KHDRBS2: variants seen among roughly 807,000 people sequenced by gnomAD.
KHDRBS2 encodes the protein KH domain-containing, RNA-binding, signal transduction-associated protein 2.
In KHDRBS2, 26 loss-of-function variants were observed where a neutral mutation model predicts 44.3. The observed-to-expected ratio is 0.59, with a 90% CI of 0.43 to 0.81. The LOEUF (loss-of-function observed/expected upper bound fraction) is 0.81. KHDRBS2 is among the 40% of genes least tolerant of loss of function. The pLI is 0.00. For synonymous variants in KHDRBS2, 194 were observed against 151.1 expected, an observed-to-expected ratio of 1.28 and a Z score of -2.08; for missense variants, 476 against 433.1, an observed-to-expected ratio of 1.10 and a Z score of -0.88.
At chr6:61,694,989 C>G (rs1291820506) in intron 8 of KHDRBS2, among the ~76,000 whole-genome samples, 1 of 151,938 alleles carries the variant, frequency 6.6e-6, no homozygotes, top group African/African-American at 2.4e-5. Flanking sequence ...AAGCCTGGTG[C>G]TCATTTTGGA....
chr6:61,709,141 C>A (rs1770072142), intron 7 of KHDRBS2, among the ~76,000 whole-genome samples: 1 of 151,614 alleles, frequency 6.6e-6, no homozygotes, highest in Non-Finnish European at 1.5e-5. Context: ...TTTGTCAACT[C>A]AGTAAACATA....
intron 6 of KHDRBS2, among the ~76,000 whole-genome samples, chr6:61,765,208 T>C (rs558324330): frequency 2.3e-4 from 35 of 152,174 alleles, no homozygotes; most frequent in African/African-American, 7.9e-4. Flanking sequence ...ATCCCAGCAT[T>C]TTGGAAGGCT....
chr6:62,171,112 T>C (rs752403779), intron 2 of KHDRBS2, among the ~76,000 whole-genome samples: 8 of 152,108 alleles, frequency 5.3e-5, no homozygotes, highest in Non-Finnish European at 1.0e-4. Context: ...ACAATGGTTC[T>C]TAACCAGGCT....
intron 1 of KHDRBS2, among the ~76,000 whole-genome samples, chr6:62,267,742 C>A (rs748202352): frequency 1.3e-5 from 2 of 151,966 alleles, no homozygotes; most frequent in Non-Finnish European, 2.9e-5. Flanking sequence ...GGATCTTAAA[C>A]TGACTAGTAC....
At chr6:61,597,759 CATATATATAT>C in the KHDRBS2 span, among the ~76,000 whole-genome samples, 11 of 50,106 alleles carry the variant, frequency 2.2e-4, no homozygotes, top group South Asian at 1.2e-3. Context: ...TATATATATA[CATATATATAT>C]ATATACACCA....
intron 6 of KHDRBS2, among the ~76,000 whole-genome samples, chr6:61,824,114 A>G (rs1363694942): frequency 6.6e-6 from 1 of 152,162 alleles, no homozygotes; most frequent in Non-Finnish European, 1.5e-5. Context: ...TGTGTTTACA[A>G]TAAACAAAGC....
the KHDRBS2 span, among the ~76,000 whole-genome samples, chr6:61,584,756 C>T: frequency 6.6e-6 from 1 of 151,618 alleles, no homozygotes; most frequent in Non-Finnish European, 1.5e-5. Context: ...ATTTATTGAC[C>T]CTTAGTGAAC....
chr6:62,118,515 A>T (rs1806830515), intron 2 of KHDRBS2, among the ~76,000 whole-genome samples: 1 of 151,982 alleles, frequency 6.6e-6, no homozygotes, highest in Admixed American at 6.6e-5. Flanking sequence ...TTTATTTTCA[A>T]TGTTTCTTAA....
intron 3 of KHDRBS2, among the ~76,000 whole-genome samples, chr6:62,035,279 T>A (rs1785072787): frequency 6.6e-6 from 1 of 151,986 alleles, no homozygotes; most frequent in African/African-American, 2.4e-5. Flanking sequence ...GAAAATGTGG[T>A]ACTTATACAC....
chr6:62,176,326 T>G (rs1385212862), intron 2 of KHDRBS2, among the ~76,000 whole-genome samples: 4 of 151,394 alleles, frequency 2.6e-5, no homozygotes, highest in Non-Finnish European at 4.4e-5. Flanking sequence ...TGCTGGGCTT[T>G]AACAATTTTA....
intron 2 of KHDRBS2, among the ~76,000 whole-genome samples, chr6:62,158,823 CTT>C (rs939296983): frequency 6.6e-6 from 1 of 150,718 alleles, no homozygotes; most frequent in South Asian, 2.1e-4. Flanking sequence ...CATATTCTTG[CTT>C]TTTTTTTAAA....
chr6:61,632,939 A>G, the KHDRBS2 span, among the ~76,000 whole-genome samples: 1 of 152,146 alleles, frequency 6.6e-6, no homozygotes, highest in Non-Finnish European at 1.5e-5. Context: ...TGAAGTATTC[A>G]TGTTTTGAGG....
chr6:61,852,243 T>G lies in KHDRBS2; in HGVS notation c.810+42392A>C, dbSNP rs576370837. Among the ~76,000 whole-genome samples, 236 of 151,474 alleles carry G rather than the reference T, an allele frequency of 1.6e-3. 8 individuals are homozygous for G. In the South Asian group the frequency reaches 0.046, roughly 29 times the overall value. On this transcript the variant is annotated intron_variant, in intron 6 of 8. Transcript: ENST00000281156. Reference sequence around the variant, plus strand: ...TCCAAAAATAAATAAATAAATAAAATAAAATGAAGTAAACCAGAAAAACAT... The same window carrying G: ...TCCAAAAATAAATAAATAAATAAAAGAAAATGAAGTAAACCAGAAAAACAT...
chr6:61,834,876 T>G (rs1456427015), intron 6 of KHDRBS2, among the ~76,000 whole-genome samples: 1 of 152,086 alleles, frequency 6.6e-6, no homozygotes, highest in Admixed American at 6.6e-5. Context: ...AAATTTGGTG[T>G]CGTAAATTTC....
intron 6 of KHDRBS2, among the ~76,000 whole-genome samples, chr6:61,740,452 C>T (rs553619636): frequency 6.6e-6 from 1 of 151,806 alleles, no homozygotes; most frequent in Admixed American, 6.6e-5. Context: ...ACAAAGAAGC[C>T]ATTGAAGGGT....
At chr6:62,073,120 T>C (rs1175411846) in intron 2 of KHDRBS2, among the ~76,000 whole-genome samples, 1 of 151,982 alleles carries the variant, frequency 6.6e-6, no homozygotes, top group East Asian at 1.9e-4. Flanking sequence ...CTTCTAATCT[T>C]TGAAAAGATT....
intron 6 of KHDRBS2, among the ~76,000 whole-genome samples, chr6:61,825,500 T>C (rs1790694426): frequency 6.6e-6 from 1 of 152,206 alleles, no homozygotes; most frequent in African/African-American, 2.4e-5. Context: ...TTTTTTGTAG[T>C]TAGTTTGATT....
the KHDRBS2 span, among the ~76,000 whole-genome samples, chr6:61,658,142 A>G: frequency 6.6e-6 from 1 of 151,896 alleles, no homozygotes; most frequent in Non-Finnish European, 1.5e-5. Context: ...TGCAGCCTAA[A>G]TTGCATTTAT....
intron 4 of KHDRBS2, among the ~76,000 whole-genome samples, chr6:61,974,795 G>A (rs1290857091): frequency 6.6e-6 from 1 of 151,906 alleles, no homozygotes; most frequent in African/African-American, 2.4e-5. Flanking sequence ...GCTGGGCATG[G>A]TAACATGTGC....
Sources: gnomAD v4.1 joint callset for allele counts (sites outside exome capture counted in the v4.1 genomes callset) on GRCh38, gnomAD v4.1.1 for gene constraint, MANE v1.5 for transcripts, NCBI Gene and HGNC (gene_info 2026-07-23, HGNC 2026-07-21) for gene names.